KCND2: variants seen among roughly 807,000 people sequenced by gnomAD.
The protein encoded by KCND2 is A-type voltage-gated potassium channel KCND2.
A neutral mutation model predicts 54.4 loss-of-function variants in KCND2; 16 were observed. The observed-to-expected ratio is 0.29, with a 90% CI of 0.20 to 0.45. The LOEUF (loss-of-function observed/expected upper bound fraction) is 0.45, where lower values mean the gene tolerates loss of function less well. Among genes scored for constraint, KCND2 ranks in the 20% least tolerant of loss-of-function variants. The pLI is 1.00. For synonymous variants in KCND2, 317 were observed against 310.7 expected (o/e 1.02, Z -0.21); for missense variants, 486 against 824.2 (o/e 0.59, Z 5.02).
chr7:120,443,003 T>C (rs1363356108), intron 1 of KCND2, among the ~76,000 whole-genome samples: 1 of 152,150 alleles, frequency 6.6e-6, no homozygotes, highest in Admixed American at 6.5e-5. Flanking sequence ...TGCTTGAATT[T>C]GTCTGTGTAT....
intron 1 of KCND2, among the ~76,000 whole-genome samples, chr7:120,646,720 A>G (rs201863234): frequency 1.3e-5 from 2 of 152,380 alleles, no homozygotes; most frequent in East Asian, 3.9e-4. Flanking sequence ...ATATCCTACT[A>G]GTGGGGAAAA....
intron 1 of KCND2, among the ~76,000 whole-genome samples, chr7:120,693,471 A>G (rs142240457): frequency 2.2e-4 from 33 of 152,210 alleles, no homozygotes; most frequent in African/African-American, 7.9e-4. Context: ...AATGGGAAGT[A>G]TTTTTATTTT....
At chr7:120,413,559 A>G (rs767276409) in intron 1 of KCND2, among the ~76,000 whole-genome samples, 5 of 152,008 alleles carry the variant, frequency 3.3e-5, no homozygotes, top group African/African-American at 7.2e-5. Flanking sequence ...AATAATCTCA[A>G]ACTTTTCAGA....
chr7:120,406,986 T>C (rs1801369877), intron 1 of KCND2, among the ~76,000 whole-genome samples: 1 of 151,964 alleles, frequency 6.6e-6, no homozygotes, highest in South Asian at 2.1e-4. Flanking sequence ...TAAGATGTGA[T>C]AGCTATTCCT....
intron 1 of KCND2, among the ~76,000 whole-genome samples, chr7:120,637,807 C>T (rs1014680830): frequency 1.3e-5 from 2 of 152,102 alleles, no homozygotes; most frequent in South Asian, 2.1e-4. Context: ...CTGGCAAGTA[C>T]GATAAACATC....
chr7:120,458,854 A>G (rs1475502313), intron 1 of KCND2, among the ~76,000 whole-genome samples: 1 of 150,622 alleles, frequency 6.6e-6, no homozygotes, highest in Admixed American at 6.6e-5. Flanking sequence ...TATTATTATT[A>G]TATTATTAGC....
chr7:120,601,407 T>C (rs1792811361), intron 1 of KCND2, among the ~76,000 whole-genome samples: 1 of 152,140 alleles, frequency 6.6e-6, no homozygotes, highest in African/African-American at 2.4e-5. Context: ...ACATTTTAAC[T>C]GAATCCCACA....
chr7:120,662,640 T>C (rs67355198), intron 1 of KCND2, among the ~76,000 whole-genome samples: 26,474 of 152,172 alleles, frequency 0.17, 2,694 homozygotes, highest in African/African-American at 0.27. Context: ...TTTTGGTTCC[T>C]AAATAAAGAT....
chr7:120,568,900 A>C (rs1527657), intron 1 of KCND2, among the ~76,000 whole-genome samples: 1 of 151,830 alleles, frequency 6.6e-6, no homozygotes, highest in South Asian at 2.1e-4. Flanking sequence ...TCTTTTTTTT[A>C]ATTTTGTTTC....
At chr7:120,397,466 T>G (rs1421160712) in intron 1 of KCND2, among the ~76,000 whole-genome samples, 1 of 152,034 alleles carries the variant, frequency 6.6e-6, no homozygotes, top group African/African-American at 2.4e-5. Context: ...TTATTCTGCA[T>G]GTATGATGAG....
intron 1 of KCND2, among the ~76,000 whole-genome samples, chr7:120,287,337 T>G (rs1175428081): frequency 6.6e-6 from 1 of 152,130 alleles, no homozygotes; most frequent in Non-Finnish European, 1.5e-5. Context: ...TTTCTTAATA[T>G]AGACTGAGGA....
At chr7:120,540,227 A>G (rs564099129) in intron 1 of KCND2, among the ~76,000 whole-genome samples, 5 of 152,312 alleles carry the variant, frequency 3.3e-5, no homozygotes, top group African/African-American at 1.2e-4. Context: ...TGTACTTGTA[A>G]CACTGTTCAG....
At chr7:120,551,851 T>C (rs997233561) in intron 1 of KCND2, among the ~76,000 whole-genome samples, 4 of 152,132 alleles carry the variant, frequency 2.6e-5, no homozygotes, top group Non-Finnish European at 5.9e-5. Flanking sequence ...ACTCAAGAAA[T>C]GAAGATGAAT....
intron 1 of KCND2, among the ~76,000 whole-genome samples, chr7:120,308,394 C>G (rs1460581897): frequency 6.6e-6 from 1 of 152,074 alleles, no homozygotes; most frequent in Non-Finnish European, 1.5e-5. Context: ...CATTACCATT[C>G]TTACTGTTAT....
At chr7:120,340,704 A>G (rs1449978242) in intron 1 of KCND2, among the ~76,000 whole-genome samples, 1 of 152,176 alleles carries the variant, frequency 6.6e-6, no homozygotes, top group Non-Finnish European at 1.5e-5. Flanking sequence ...TGATCTTGAC[A>G]AGGATGCTTT....
intron 1 of KCND2, among the ~76,000 whole-genome samples, chr7:120,457,676 C>T (rs1241207200): frequency 6.6e-6 from 1 of 152,174 alleles, no homozygotes; most frequent in Non-Finnish European, 1.5e-5. Context: ...GTCTTCTGCG[C>T]CCTCTAAGTC....
At chr7:120,346,734 C>T (rs556833615) in intron 1 of KCND2, among the ~76,000 whole-genome samples, 37 of 151,260 alleles carry the variant, frequency 2.4e-4, no homozygotes, top group Non-Finnish European at 4.7e-4. Flanking sequence ...TCTCTAAATC[C>T]CTTTATATTG....
chr7:120,626,273 C>T (rs1465580640), intron 1 of KCND2, among the ~76,000 whole-genome samples: 1 of 152,002 alleles, frequency 6.6e-6, no homozygotes, highest in Non-Finnish European at 1.5e-5. Flanking sequence ...TATTCAAAAC[C>T]TACATCATAT....
chr7:120,400,643 G>T (rs1292751355), intron 1 of KCND2, among the ~76,000 whole-genome samples: 3 of 152,090 alleles, frequency 2.0e-5, no homozygotes, highest in Non-Finnish European at 4.4e-5. Flanking sequence ...CTACCACTGT[G>T]TTTACCAACA....
Sources: gnomAD v4.1 joint callset for allele counts (sites outside exome capture counted in the v4.1 genomes callset) on GRCh38, gnomAD v4.1.1 for gene constraint, MANE v1.5 for transcripts, NCBI Gene and HGNC (gene_info 2026-07-23, HGNC 2026-07-21) for gene names.